Variants in SORBS3 observed in about 807,000 individuals in gnomAD.
The protein encoded by SORBS3 is sorbin and SH3 domain containing 3.
A neutral mutation model predicts 98.0 loss-of-function variants in SORBS3; 69 were observed. The observed-to-expected ratio is 0.70, with a 90% CI of 0.58 to 0.86. The LOEUF (loss-of-function observed/expected upper bound fraction) is 0.86. Ranked by LOEUF, SORBS3 falls within the 40% of genes least tolerant of loss-of-function variation. SORBS3 has a pLI of 0.00. For synonymous variants in SORBS3, 394 were observed against 355.4 expected, an observed-to-expected ratio of 1.11 and a Z score of -1.22; for missense variants, 954 against 908.5, an observed-to-expected ratio of 1.05 and a Z score of -0.64.
chr8:22,552,583 T>A (rs896891183), intron 1 of SORBS3, among the ~76,000 whole-genome samples: 1 of 151,676 alleles, frequency 6.6e-6, no homozygotes, highest in Non-Finnish European at 1.5e-5. Flanking sequence ...GTAAGCAACC[T>A]CTGACTACGG....
intron 16 of SORBS3, among the ~76,000 whole-genome samples, chr8:22,567,808 C>T (rs1586903216): frequency 6.6e-6 from 1 of 150,536 alleles, no homozygotes; most frequent in Non-Finnish European, 1.5e-5. Flanking sequence ...TCTTACTATC[C>T]TTTTCATGTC....
At position 22,564,032 on chromosome 8, in the gene SORBS3, C is replaced by G; in HGVS notation, c.630C>G (p.Asn210Lys). Residue 210 changes from asparagine (N) to lysine (K), a missense_variant, in exon 8 of 21, where the codon AAC becomes AAG. Asn to Lys is a moderately conservative substitution (Grantham distance 94, BLOSUM62 0). Transcript: ENST00000240123. ...HSEELPRSTF[N>K]YRPGAFSTVL... ...AAGAGTTACCTAGAAGCACCTTCAA[C>G]TACAGACCTGGAGCATTCTCCACTG... 1 of 1,614,034 alleles carries G rather than the reference C, an allele frequency of 6.2e-7. No homozygotes were observed. The highest frequency in any genetic ancestry group is 1.6e-4 in the Middle Eastern group (1 of 6,062).
intron 6 of SORBS3, 88 bp from the exon 7 acceptor site, chr8:22,561,777 C>T: frequency 8.1e-7 from 1 of 1,230,396 alleles, no homozygotes; most frequent in South Asian, 1.2e-5. Flanking sequence ...GGTGCTGAAA[C>T]TCTAAATAAT....
At chr8:22,555,067 C>T in intron 3 of SORBS3, 87 bp downstream of exon 3, 3 of 1,141,424 alleles carry the variant, frequency 2.6e-6, no homozygotes, top group Non-Finnish European at 3.9e-6. Flanking sequence ...GGAGGGGCAG[C>T]AGCTGGAGAT....
At chr8:22,555,593 A>T (rs180706957) in intron 3 of SORBS3, among the ~76,000 whole-genome samples, 1 of 152,250 alleles carries the variant, frequency 6.6e-6, no homozygotes, top group African/African-American at 2.4e-5. Flanking sequence ...CCTGTCACTT[A>T]AAACACACAC....
chr8:22,567,848 C>CTTTT (rs35668704), intron 16 of SORBS3, among the ~76,000 whole-genome samples: 2 of 142,548 alleles, frequency 1.4e-5, no homozygotes, highest in South Asian at 2.2e-4. Flanking sequence ...TCTTCTCTTT[C>CTTTT]TTTTTTTTTT....
chr8:22,565,463 G>T, intron 11 of SORBS3, 109 bp downstream of exon 11: 1 of 856,482 alleles, frequency 1.2e-6, no homozygotes, highest in Non-Finnish European at 1.6e-6. Flanking sequence ...CCGAGGTCCG[G>T]CCTCCAGCGG....
intron 20 of SORBS3, 128 bp downstream of exon 20, chr8:22,572,574 C>T: frequency 2.7e-6 from 2 of 751,986 alleles, no homozygotes; most frequent in Non-Finnish European, 4.5e-6. Context: ...TCCGGCCGGG[C>T]TACTGGGGGG....
intron 11 of SORBS3, 196 bp downstream of exon 11, chr8:22,565,550 G>T (rs1376905857): frequency 8.6e-6 from 5 of 579,480 alleles, no homozygotes; most frequent in African/African-American, 2.0e-5. Context: ...GTCGACTTTC[G>T]CAAGTGACCC....
intron 5 of SORBS3, among the ~76,000 whole-genome samples, chr8:22,560,198 G>A (rs1840263772): frequency 6.6e-6 from 1 of 152,114 alleles, no homozygotes; most frequent in African/African-American, 2.4e-5. Context: ...AAGACTAGCT[G>A]GGTGTGGTGG....
chr8:22,573,817 A>G (rs1047421234), intron 20 of SORBS3, among the ~76,000 whole-genome samples: 1 of 152,240 alleles, frequency 6.6e-6, no homozygotes, highest in African/African-American at 2.4e-5. Flanking sequence ...TAGGAATATA[A>G]TAATATTTAT....
intron 13 of SORBS3, 54 bp from the exon 14 acceptor site, chr8:22,566,607 C>A (rs1177531013): frequency 2.5e-6 from 4 of 1,578,204 alleles, no homozygotes; most frequent in Non-Finnish European, 3.4e-6. Context: ...GGTGGGGGTG[C>A]AACCCCATCC....
chr8:22,572,032 G>C (rs1184131034), intron 19 of SORBS3, among the ~76,000 whole-genome samples: 3 of 152,216 alleles, frequency 2.0e-5, no homozygotes, highest in Non-Finnish European at 4.4e-5. Context: ...ATGTGGCCTT[G>C]TGGCCTTGGT....
rs537010962 is a variant in SORBS3 at position 22,571,854 on chromosome 8, TG to T, written c.1847+41del. 1.9e-4 allele frequency: 283 copies of T among 1,461,730 alleles called. 2 individuals are homozygous for T. Among genetic ancestry groups the T allele is most frequent in the South Asian group, 1.4e-3 (120 of 88,040 alleles). The allele number at this position is 1,461,730 out of a possible 1,614,324, so 90.5% of individuals were successfully genotyped here. A position where few individuals can be genotyped will look rare whatever the true frequency, so the allele number is the denominator to read the frequency against. ...CCATCTGAGGGCTCTTGATCAGACG[TG>T]GGGGGGGTCACTGGCAGGCAATGCC... is the stretch of plus-strand genomic sequence containing the variant. On this transcript the variant is annotated intron_variant, in intron 19 of 20. Coordinates refer to ENST00000240123, the MANE Select transcript of SORBS3 (RefSeq NM_005775.5).
Position 22,554,770 on chromosome 8 carries a change from A to G in SORBS3, c.103-93A>G. On this transcript the variant is annotated intron_variant, in intron 2 of 20. Coordinates refer to ENST00000240123, the MANE Select transcript of SORBS3 (RefSeq NM_005775.5). The surrounding 1 kb of genome is among the most constrained non-coding windows in gnomAD (Gnocchi z 6.5). ...CACAAAATCGTCAGGCGGGCCTGGG[A>G]CTGTCACCGAGGGGTGTGGGCTGTG... The G allele has an allele frequency of 1.4e-6, 2 of 1,406,060 alleles. No individual in the cohort carries two copies. Among genetic ancestry groups the G allele is most frequent in the African/African-American group, 1.4e-5 (1 of 70,782 alleles). The allele number at this position is 1,406,060 out of a possible 1,614,324, so 87.1% of individuals were successfully genotyped here.
At chr8:22,574,364 TTCC>T (rs1403689892) in intron 20 of SORBS3, among the ~76,000 whole-genome samples, 1 of 151,848 alleles carries the variant, frequency 6.6e-6, no homozygotes, top group Non-Finnish European at 1.5e-5. Context: ...AGTTCTGTGA[TTCC>T]TCCTCCTGTG....
chr8:22,552,857 G>A (rs1840111356), intron 1 of SORBS3, among the ~76,000 whole-genome samples: 5 of 152,208 alleles, frequency 3.3e-5, no homozygotes, highest in Admixed American at 3.3e-4. Context: ...ACTGGGGTGT[G>A]TCTGCCTGTT....
In SORBS3 at chr8:22,554,784, G is replaced by T. The variant is rs1840153551; in HGVS notation, c.103-79G>T. The T allele has an allele frequency of 1.4e-6, 2 of 1,453,616 alleles. No individual in the cohort carries two copies. The highest frequency in any genetic ancestry group is 1.9e-6 in the Non-Finnish European group (2 of 1,055,918). The allele number at this position is 1,453,616 out of a possible 1,614,324, so 90.0% of individuals were successfully genotyped here. On this transcript the variant is annotated intron_variant, in intron 2 of 20. Coordinates refer to ENST00000240123, the MANE Select transcript of SORBS3 (RefSeq NM_005775.5). The surrounding 1 kb of genome is among the most constrained non-coding windows in gnomAD (Gnocchi z 6.5). ...GCGGGCCTGGGACTGTCACCGAGGG[G>T]TGTGGGCTGTGCCTAGTAGCCATCC... is the stretch of plus-strand genomic sequence containing the variant.
At position 22,566,474 on chromosome 8, in the gene SORBS3, C is replaced by G; in HGVS notation, c.1080C>G (p.Ser360=). The G allele has an allele frequency of 6.2e-7, 1 of 1,613,734 alleles. No homozygotes were observed. The highest frequency in any genetic ancestry group is 8.5e-7 in the Non-Finnish European group (1 of 1,179,814). The change falls in exon 13 of 21, where the codon TCC becomes TCG. Residue 360 remains serine, a synonymous_variant. Coordinates refer to ENST00000240123, the MANE Select transcript of SORBS3 (RefSeq NM_005775.5). ...GTCGGAGGGACTTTGTCTACCCTTC[C>G]TCAACCCGAGGTAAGGACCCAGCCC... ...FLGRRDFVYP[S]STRDPSASNG...
Sources: gnomAD v4.1 joint callset for allele counts (sites outside exome capture counted in the v4.1 genomes callset) on GRCh38, gnomAD v4.1.1 for gene constraint, Gnocchi (gnomAD v3.1) non-coding constraint, MANE v1.5 for transcripts, NCBI Gene and HGNC (gene_info 2026-07-23, HGNC 2026-07-21) for gene names.